The following LHFPL3 variants were observed in gnomAD, a reference collection of about 807,000 sequenced individuals.
LHFPL3 encodes LHFPL tetraspan subfamily member 3, also known as LHFPL tetraspan subfamily member 3 protein.
In LHFPL3, 5 loss-of-function variants were observed where a neutral mutation model predicts 19.3. That is an observed-to-expected ratio of 0.26 (90% CI 0.14 to 0.54). The LOEUF is 0.54. Ranked by LOEUF, LHFPL3 falls within the 20% of genes least tolerant of loss-of-function variation. The pLI, the probability that LHFPL3 is intolerant of heterozygous loss-of-function variation, is 0.94. For synonymous variants in LHFPL3, 133 were observed against 126.2 expected (o/e 1.05, Z -0.36); for missense variants, 249 against 307.4 (o/e 0.81, Z 1.42).
intron 1 of LHFPL3, among the ~76,000 whole-genome samples, chr7:104,334,111 T>C (rs1801617824): frequency 6.6e-6 from 1 of 152,216 alleles, no homozygotes; most frequent in Non-Finnish European, 1.5e-5. Flanking sequence ...GTTGTTGTCT[T>C]GCTATTATTA....
chr7:104,598,681 T>A (rs935251854), intron 1 of LHFPL3, among the ~76,000 whole-genome samples: 2 of 152,174 alleles, frequency 1.3e-5, no homozygotes, highest in Non-Finnish European at 2.9e-5. Flanking sequence ...CATCATAGAG[T>A]CCTTCTCTAC....
At chr7:104,364,499 T>C (rs983489240) in intron 1 of LHFPL3, among the ~76,000 whole-genome samples, 3 of 152,236 alleles carry the variant, frequency 2.0e-5, no homozygotes, top group South Asian at 2.1e-4. Context: ...CACTTTGCCC[T>C]GTACATAAGT....
At chr7:104,479,794 C>A (rs1793095853) in intron 1 of LHFPL3, among the ~76,000 whole-genome samples, 1 of 152,216 alleles carries the variant, frequency 6.6e-6, no homozygotes, top group Non-Finnish European at 1.5e-5. Flanking sequence ...GGCTTCCCTG[C>A]TCTAGCATCT....
intron 1 of LHFPL3, among the ~76,000 whole-genome samples, chr7:104,345,331 C>CT (rs747441903): frequency 2.0e-5 from 3 of 152,144 alleles, no homozygotes; most frequent in Non-Finnish European, 4.4e-5. Flanking sequence ...ATTTTCTCCA[C>CT]TACATTCTTC....
intron 1 of LHFPL3, among the ~76,000 whole-genome samples, chr7:104,408,432 C>T (rs1481686542): frequency 5.3e-5 from 8 of 151,614 alleles, no homozygotes; most frequent in Non-Finnish European, 7.4e-5. Context: ...GCTAGCAATT[C>T]GCTCACTGGA....
chr7:104,444,798 G>T (rs1328509332), intron 1 of LHFPL3, among the ~76,000 whole-genome samples: 6 of 152,148 alleles, frequency 3.9e-5, no homozygotes. Context: ...AGACCAGCCT[G>T]ACCAACATGG....
In LHFPL3 at chr7:104,496,193, C is replaced by T. The variant is rs185366354; in HGVS notation, c.445+166969C>T. Among the ~76,000 whole-genome samples, 1,033 of 152,202 alleles carry T rather than the reference C, an allele frequency of 6.8e-3. 48 individuals carry two copies. Among genetic ancestry groups the T allele is most frequent in the Admixed American group, 0.054 (819 of 15,276 alleles). On this transcript the variant is annotated intron_variant, in intron 1 of 2. Coordinates refer to ENST00000424859, the MANE Select transcript of LHFPL3 (RefSeq NM_199000.3). Reference sequence around the variant, plus strand: ...GTCCATGCGTTCTCGTTGTTCAATTCCCACCTATGAGTGAGAATATGCGGT... The same window carrying T: ...GTCCATGCGTTCTCGTTGTTCAATTTCCACCTATGAGTGAGAATATGCGGT...
At chr7:104,500,168 C>A (rs899054539) in intron 1 of LHFPL3, among the ~76,000 whole-genome samples, 1 of 152,266 alleles carries the variant, frequency 6.6e-6, no homozygotes. Flanking sequence ...CTAAGCCTTT[C>A]GTTTTAATAG....
At chr7:104,387,423 A>G (rs926340259) in intron 1 of LHFPL3, among the ~76,000 whole-genome samples, 1 of 152,104 alleles carries the variant, frequency 6.6e-6, no homozygotes, top group Non-Finnish European at 1.5e-5. Context: ...AAATAAAAAT[A>G]CTAGAGGGGC....
chr7:104,330,737 T>G (rs1019865504), intron 1 of LHFPL3, among the ~76,000 whole-genome samples: 32 of 152,082 alleles, frequency 2.1e-4, no homozygotes, highest in African/African-American at 7.5e-4. Flanking sequence ...ATCCCCAACT[T>G]TTTCTAGCAA....
chr7:104,481,557 ATTG>A (rs1793137040), intron 1 of LHFPL3, among the ~76,000 whole-genome samples: 1 of 151,236 alleles, frequency 6.6e-6, no homozygotes, highest in Non-Finnish European at 1.5e-5. Flanking sequence ...TGGTCTCCCT[ATTG>A]TTCATGTCTC....
chr7:104,400,683 C>A (rs1334914873), intron 1 of LHFPL3, among the ~76,000 whole-genome samples: 1 of 152,148 alleles, frequency 6.6e-6, no homozygotes, highest in Non-Finnish European at 1.5e-5. Flanking sequence ...GCCAGACTAA[C>A]AACTCAAATA....
chr7:104,777,534 T>C (rs1051693084), intron 2 of LHFPL3, among the ~76,000 whole-genome samples: 8 of 152,252 alleles, frequency 5.3e-5, no homozygotes, highest in Admixed American at 5.2e-4. Context: ...GGATGCCTTT[T>C]GGTTGCTATG....
At chr7:104,815,924 A>G (rs1562801861) in intron 2 of LHFPL3, among the ~76,000 whole-genome samples, 1 of 152,150 alleles carries the variant, frequency 6.6e-6, no homozygotes, top group Non-Finnish European at 1.5e-5. Context: ...TGAGGGATTC[A>G]TGCATGGAAC....
intron 1 of LHFPL3, among the ~76,000 whole-genome samples, chr7:104,511,577 A>T (rs1433887706): frequency 6.6e-6 from 1 of 152,210 alleles, no homozygotes; most frequent in Non-Finnish European, 1.5e-5. Flanking sequence ...GATGTCTTTC[A>T]GTGGGTGAAT....
intron 1 of LHFPL3, among the ~76,000 whole-genome samples, chr7:104,365,787 C>CAAAAAAAAAAAA (rs571171040): frequency 2.4e-4 from 12 of 49,950 alleles, no homozygotes; most frequent in African/African-American, 8.2e-4. Flanking sequence ...GACTCCGTCT[C>CAAAAAAAAAAAA]AAAAAAAAAA....
chr7:104,338,943 T>C (rs902956287), intron 1 of LHFPL3, among the ~76,000 whole-genome samples: 3 of 152,222 alleles, frequency 2.0e-5, no homozygotes, highest in Admixed American at 6.5e-5. Context: ...CTCTTCTCAT[T>C]TTCTTGATTA....
intron 1 of LHFPL3, among the ~76,000 whole-genome samples, chr7:104,728,422 C>T (rs1233003938): frequency 2.0e-5 from 3 of 152,158 alleles, no homozygotes; most frequent in African/African-American, 4.8e-5. Flanking sequence ...CCCTTGCCTG[C>T]TTTGCACCCT....
chr7:104,743,167 G>A (rs1473699560), intron 2 of LHFPL3, among the ~76,000 whole-genome samples: 1 of 152,034 alleles, frequency 6.6e-6, no homozygotes, highest in Non-Finnish European at 1.5e-5. Context: ...AGGGGCTCTA[G>A]GATGCCCTGA....
Sources: allele counts gnomAD v4.1 joint callset (sites outside exome capture counted in the v4.1 genomes callset), GRCh38; gene constraint gnomAD v4.1.1; transcripts MANE v1.5; gene names NCBI Gene and HGNC (gene_info 2026-07-23, HGNC 2026-07-21).